Variants in RHPN2 observed in about 807,000 individuals in gnomAD.
RHPN2 encodes the protein rhophilin Rho GTPase binding protein 2.
Under a neutral mutation model 79.0 loss-of-function variants are expected in RHPN2, and 40 were observed. That is an observed-to-expected ratio of 0.51 (90% CI 0.39 to 0.66). The LOEUF is 0.66. Ranked by LOEUF, RHPN2 falls within the 30% of genes least tolerant of loss-of-function variation. The pLI is 0.00. For synonymous variants in RHPN2, 285 were observed against 363.5 expected, an observed-to-expected ratio of 0.78 and a Z score of 2.46; for missense variants, 686 against 883.5, an observed-to-expected ratio of 0.78 and a Z score of 2.83.
intron 1 of RHPN2, among the ~76,000 whole-genome samples, chr19:33,061,111 C>T (rs1215730457): frequency 6.6e-6 from 1 of 152,152 alleles, no homozygotes; most frequent in Non-Finnish European, 1.5e-5. Flanking sequence ...CCCACAAACA[C>T]CTCCACACCC....
At chr19:33,024,004 A>G (rs1341376312) in intron 3 of RHPN2, among the ~76,000 whole-genome samples, 11 of 152,134 alleles carry the variant, frequency 7.2e-5, no homozygotes, top group African/African-American at 2.7e-4. Context: ...AGTGTGGAAC[A>G]GCCGACATTT....
intron 6 of RHPN2, among the ~76,000 whole-genome samples, chr19:33,008,946 GA>G (rs1971815342): frequency 6.6e-6 from 1 of 152,112 alleles, no homozygotes. Context: ...TAAAAATGGA[GA>G]AATGAACCAG....
chr19:33,057,909 C>T (rs1172564722), intron 1 of RHPN2, among the ~76,000 whole-genome samples: 1 of 152,062 alleles, frequency 6.6e-6, no homozygotes, highest in African/African-American at 2.4e-5. Flanking sequence ...CCTGTAATCC[C>T]AGCACTTTGG....
In RHPN2 at chr19:33,033,522, C is replaced by T. The variant is rs192435448; in HGVS notation, c.186-6890G>A. Among the ~76,000 whole-genome samples, 511 of 152,156 alleles carry T rather than the reference C, an allele frequency of 3.4e-3. 5 individuals are homozygous for T. The highest frequency in any genetic ancestry group is 0.012 in the African/African-American group (491 of 41,516). On this transcript the variant is annotated intron_variant, in intron 2 of 14. Coordinates refer to ENST00000254260, the MANE Select transcript of RHPN2 (RefSeq NM_033103.5). Reference sequence around the variant, plus strand: ...CGAAGATTGCAGTGAGCAGTGATCACGCCACTGCACTCCAGCCTGGCGACA... The same window carrying T: ...CGAAGATTGCAGTGAGCAGTGATCATGCCACTGCACTCCAGCCTGGCGACA...
At chr19:33,054,332 CTG>C (rs1914665830) in intron 1 of RHPN2, among the ~76,000 whole-genome samples, 1 of 151,840 alleles carries the variant, frequency 6.6e-6, no homozygotes, top group Non-Finnish European at 1.5e-5. Context: ...TCCCGAGTAG[CTG>C]GGATTACAGG....
intron 2 of RHPN2, among the ~76,000 whole-genome samples, chr19:33,029,527 GAAA>G (rs374028038): frequency 2.5e-5 from 2 of 81,568 alleles, no homozygotes; most frequent in Admixed American, 1.3e-4. Context: ...CTCTATCTCA[GAAA>G]AAAAAAAAAA....
intron 1 of RHPN2, among the ~76,000 whole-genome samples, chr19:33,063,633 C>T (rs897032211): frequency 3.9e-5 from 6 of 152,244 alleles, no homozygotes; most frequent in Admixed American, 6.5e-5. Flanking sequence ...GAAGGCATCA[C>T]CATGACTCCC....
Position 33,011,728 on chromosome 19 carries a change from C to G in RHPN2, c.544G>C (p.Glu182Gln). ...MTYFIQLGFV[E>Q]SRFFPPTRQM... is the part of the protein sequence containing the mutation. ...CGTGTGGGCGGGAAGAATCGACTCT[C>G]GACAAAGCCCAGCTGGATGAAGTAT... The change falls in exon 6 of 15, where the codon GAG (glutamate) becomes CAG (glutamine). Residue 182 changes from glutamate (E) to glutamine (Q), a missense_variant. By Grantham distance (29) the Glu-to-Gln change is conservative (BLOSUM62 2). Coordinates refer to ENST00000254260, the MANE Select transcript of RHPN2 (RefSeq NM_033103.5). 1 of 1,613,942 alleles carries G rather than the reference C, an allele frequency of 6.2e-7. No individual in the cohort carries two copies. Among genetic ancestry groups the G allele is most frequent in the Non-Finnish European group, 8.5e-7 (1 of 1,179,858 alleles).
At chr19:33,011,925 G>GC in intron 5 of RHPN2, 122 bp from the exon 6 acceptor site, 1 of 1,269,508 alleles carries the variant, frequency 7.9e-7, no homozygotes, top group South Asian at 1.3e-5. Context: ...TGATGACCTC[G>GC]CTACTGGCAT....
chr19:33,038,911 G>C (rs1395490653), intron 2 of RHPN2, among the ~76,000 whole-genome samples: 9 of 152,146 alleles, frequency 5.9e-5, no homozygotes, highest in African/African-American at 1.9e-4. Flanking sequence ...GCCCGCTTCA[G>C]CCTCCCAAAG....
intron 11 of RHPN2, 97 bp downstream of exon 11, chr19:32,995,929 A>C: frequency 8.4e-7 from 1 of 1,194,410 alleles, no homozygotes; most frequent in Non-Finnish European, 1.2e-6. Flanking sequence ...CCTTGTGCCA[A>C]GCACACAGCG....
Position 32,980,099 on chromosome 19 carries a change from G to A in RHPN2, c.1958C>T (p.Ala653Val), listed in dbSNP as rs775231988. 20 of 1,613,760 alleles carry A rather than the reference G, an allele frequency of 1.2e-5. No homozygotes were observed. Among genetic ancestry groups the A allele is most frequent in the Non-Finnish European group, 1.6e-5 (19 of 1,179,832 alleles). ...WGTNKNRQKSASTLCLPSVGA... is the reference protein window; with the variant it reads ...WGTNKNRQKSVSTLCLPSVGA... Reference sequence around the variant, plus strand: ...GACCGATGGGAGGCACAAGGTGCTGGCTGACTTCTGTCTGTTCTTGTTGGT... The same window carrying A: ...GACCGATGGGAGGCACAAGGTGCTGACTGACTTCTGTCTGTTCTTGTTGGT... The change falls in exon 15 of 15, where the codon GCC (alanine) becomes GTC (valine). Residue 653 changes from alanine to valine, a missense_variant. Transcript: ENST00000254260.
intron 3 of RHPN2, among the ~76,000 whole-genome samples, chr19:33,022,391 T>C (rs893632569): frequency 6.6e-6 from 1 of 151,370 alleles, no homozygotes; most frequent in African/African-American, 2.4e-5. Flanking sequence ...TCTGCCCCCC[T>C]CAGCGGGCCC....
At chr19:33,056,257 C>G (rs1054635852) in intron 1 of RHPN2, among the ~76,000 whole-genome samples, 5 of 151,876 alleles carry the variant, frequency 3.3e-5, no homozygotes, top group African/African-American at 1.2e-4. Flanking sequence ...GGATTACAGG[C>G]ATGCACCACC....
intron 2 of RHPN2, among the ~76,000 whole-genome samples, chr19:33,042,467 T>C (rs1244848204): frequency 6.6e-6 from 1 of 152,320 alleles, no homozygotes; most frequent in Non-Finnish European, 1.5e-5. Context: ...CAAACTTGTC[T>C]TGGGATAGGG....
At chr19:32,999,895 C>G (rs562763961) in intron 9 of RHPN2, among the ~76,000 whole-genome samples, 190 bp from the exon 10 acceptor site, 1 of 152,084 alleles carries the variant, frequency 6.6e-6, no homozygotes, top group Admixed American at 6.6e-5. Context: ...TTCTTTGAGA[C>G]GGTCTCACTC....
chr19:33,045,598 C>T (rs1300781521), intron 1 of RHPN2, among the ~76,000 whole-genome samples: 1 of 151,852 alleles, frequency 6.6e-6, no homozygotes, highest in African/African-American at 2.4e-5. Flanking sequence ...CTCAGCCTCC[C>T]GAGTAGCTGG....
intron 1 of RHPN2, among the ~76,000 whole-genome samples, chr19:33,055,125 G>C (rs917517234): frequency 2.6e-5 from 4 of 152,148 alleles, no homozygotes; most frequent in Non-Finnish European, 5.9e-5. Context: ...TGAGATGGGA[G>C]GATTGCTTGA....
chr19:33,016,032 A>C (rs1971874745), intron 4 of RHPN2, among the ~76,000 whole-genome samples: 1 of 150,362 alleles, frequency 6.7e-6, no homozygotes, highest in Admixed American at 6.7e-5. Flanking sequence ...CCTGGGCAAC[A>C]TAGTGAGACT....
Sources: allele counts gnomAD v4.1 joint callset (sites outside exome capture counted in the v4.1 genomes callset), GRCh38; gene constraint gnomAD v4.1.1; transcripts MANE v1.5; gene names NCBI Gene and HGNC (gene_info 2026-07-23, HGNC 2026-07-21).